Variants in CACNA1A observed in about 807,000 individuals in gnomAD.
CACNA1A encodes calcium voltage-gated channel subunit alpha1 A.
CACNA1A carries 57 observed loss-of-function variants against 262.4 expected under a neutral mutation model. The ratio of observed to expected loss-of-function variants is 0.22; its 90% CI spans 0.18 to 0.27. The LOEUF (loss-of-function observed/expected upper bound fraction) is 0.27. Ranked by LOEUF, CACNA1A falls within the 10% of genes least tolerant of loss-of-function variation. The pLI is 1.00. For missense variants in CACNA1A, 2,526 were observed against 3,562.8 expected (o/e 0.71, Z 7.41); for synonymous variants, 1,431 against 1,419.3 (o/e 1.01, Z -0.18).
chr19:13,208,733 G>T, intron 46 of CACNA1A, 23 bp downstream of exon 46: 1 of 1,560,402 alleles, frequency 6.4e-7, no homozygotes, highest in Non-Finnish European at 8.6e-7. Flanking sequence ...GCCCAGCCTG[G>T]GGTCACTTGC....
At chr19:13,404,387 G>A (rs892413297) in intron 3 of CACNA1A, among the ~76,000 whole-genome samples, 10 of 152,126 alleles carry the variant, frequency 6.6e-5, no homozygotes, top group Non-Finnish European at 1.2e-4. Flanking sequence ...AGCTAACAGC[G>A]ACCTTCCAAC....
At chr19:13,365,517 C>T in intron 4 of CACNA1A, 48 bp from the exon 5 acceptor site, 1 of 1,552,826 alleles carries the variant, frequency 6.4e-7, no homozygotes. Context: ...GCAAGTACCC[C>T]CAAACCCCGC....
chr19:13,276,537 ATCTC>A (rs2057152309), intron 23 of CACNA1A, among the ~76,000 whole-genome samples: 1 of 151,878 alleles, frequency 6.6e-6, no homozygotes, highest in African/African-American at 2.4e-5. Flanking sequence ...CTCCCCACTC[ATCTC>A]TCTGTCCTTC....
chr19:13,419,110 G>A (rs1294066432), intron 3 of CACNA1A, among the ~76,000 whole-genome samples: 1 of 152,080 alleles, frequency 6.6e-6, no homozygotes, highest in Admixed American at 6.5e-5. Context: ...GGCCAGGCTG[G>A]GCTCGAACTC....
At chr19:13,488,750 T>C (rs966292076) in intron 1 of CACNA1A, among the ~76,000 whole-genome samples, 1 of 151,970 alleles carries the variant, frequency 6.6e-6, no homozygotes, top group Non-Finnish European at 1.5e-5. Flanking sequence ...CAAGATCACC[T>C]GAGGAATCTC....
chr19:13,221,234 C>CT (rs57377809), intron 38 of CACNA1A, among the ~76,000 whole-genome samples: 11 of 36,304 alleles, frequency 3.0e-4, no homozygotes, highest in African/African-American at 9.0e-4. Context: ...TTCTTTCTTT[C>CT]TTTTTTTTTT....
intron 45 of CACNA1A, 68 bp downstream of exon 45, chr19:13,209,244 G>A (rs1028403839): frequency 1.1e-4 from 150 of 1,416,832 alleles, no homozygotes; most frequent in Non-Finnish European, 1.3e-4. Context: ...TGTCTCCTCC[G>A]CCCTGCCTTC....
Position 13,207,948 on chromosome 19 carries a change from G to A in CACNA1A, c.6886C>T (p.His2296Tyr). Residue 2296 changes from histidine to tyrosine, a missense_variant, in exon 47 of 47, where the codon CAC (histidine) becomes TAC (tyrosine). By Grantham distance (83) the His-to-Tyr change is moderately conservative. Around this residue, in one of 17 missense-constraint regions of CACNA1A, gnomAD observed 929 missense variants for 868.1 expected, o/e 1.07. Transcript: ENST00000360228. This position sits in a 1 kb window ranked among gnomAD's most constrained non-coding sequence, Gnocchi z 5.7. ...CGGATCACAGGGGAATAGGACACGT[G>A]TGGCCGGGGGGTGGAGGGGGTCTGG... ...LPQTPSTPRP[H>Y]VSYSPVIRKA... 2 of 1,383,744 alleles carry A rather than the reference G, an allele frequency of 1.4e-6. No homozygotes were observed. The highest frequency in any genetic ancestry group is 1.7e-5 in the South Asian group (1 of 58,176). The allele number at this position is 1,383,744 out of a possible 1,614,324, so 85.7% of individuals were successfully genotyped here.
rs1278488983 is a variant in CACNA1A, at chr19:13,241,402, G to A, written c.4950+3780C>T. 1 of 726,674 alleles carries A rather than the reference G, an allele frequency of 1.4e-6. No individual in the cohort carries two copies. Among genetic ancestry groups the A allele is most frequent in the African/African-American group, 1.7e-5 (1 of 57,616 alleles). 45.0% of individuals were successfully genotyped at this position (726,674 alleles called of 1,614,324 possible). On this transcript the variant is annotated intron_variant, in intron 31 of 46. Transcript: ENST00000360228. This position sits in a 1 kb window ranked among gnomAD's most constrained non-coding sequence, Gnocchi z 4.0. Reference sequence around the variant, plus strand: ...GACAGACAGAGGAGAGCGGAGGGTTGAGGAGAGCGTCAGGCATCCCACGTT... The same window carrying A: ...GACAGACAGAGGAGAGCGGAGGGTTAAGGAGAGCGTCAGGCATCCCACGTT...
chr19:13,491,778 G>T (rs1980914638), intron 1 of CACNA1A, among the ~76,000 whole-genome samples: 1 of 152,184 alleles, frequency 6.6e-6, no homozygotes, highest in South Asian at 2.1e-4. Flanking sequence ...TGAGGCTGCA[G>T]TGAGCCATGA....
chr19:13,288,633 C>T (rs1403404159), intron 19 of CACNA1A, among the ~76,000 whole-genome samples: 1 of 152,134 alleles, frequency 6.6e-6, no homozygotes, highest in East Asian at 1.9e-4. Flanking sequence ...CCCATCAACC[C>T]CTGCCTCTCC....
intron 3 of CACNA1A, among the ~76,000 whole-genome samples, chr19:13,425,988 G>A (rs778029255): frequency 6.6e-5 from 10 of 152,194 alleles, no homozygotes; most frequent in African/African-American, 1.4e-4. Flanking sequence ...GGCCTGGGAG[G>A]CTGAGGTTGT....
At chr19:13,297,567 T>C (rs907674288) in intron 19 of CACNA1A, among the ~76,000 whole-genome samples, 2 of 152,006 alleles carry the variant, frequency 1.3e-5, no homozygotes, top group Admixed American at 6.6e-5. Context: ...CCCAGCACTT[T>C]AGGGAGGCTA....
At chr19:13,402,883 T>TACACACACACACACACAC (rs1568611167) in intron 3 of CACNA1A, among the ~76,000 whole-genome samples, 3 of 77,960 alleles carry the variant, frequency 3.8e-5, no homozygotes, top group African/African-American at 2.3e-4. Context: ...CATATATATA[T>TACACACACACACACACAC]ATATATATAT....
At chr19:13,237,600 G>A (rs1045922954) in intron 31 of CACNA1A, among the ~76,000 whole-genome samples, 1 of 152,176 alleles carries the variant, frequency 6.6e-6, no homozygotes, top group African/African-American at 2.4e-5. Context: ...TGTCTAGGAT[G>A]CTCTCTGGGA....
intron 1 of CACNA1A, among the ~76,000 whole-genome samples, chr19:13,491,758 C>A (rs1344620703): frequency 6.6e-6 from 1 of 152,106 alleles, no homozygotes; most frequent in South Asian, 2.1e-4. Context: ...ATTGCTTGAG[C>A]CCAGGCGGTT....
At chr19:13,232,673 G>A (rs886587095) in intron 34 of CACNA1A, among the ~76,000 whole-genome samples, 5 of 150,736 alleles carry the variant, frequency 3.3e-5, no homozygotes, top group African/African-American at 7.3e-5. Context: ...GGAGGTTGCA[G>A]TGAGCTGAGA....
At chr19:13,491,695 G>T (rs1173869251) in intron 1 of CACNA1A, among the ~76,000 whole-genome samples, 1 of 152,198 alleles carries the variant, frequency 6.6e-6, no homozygotes, top group Non-Finnish European at 1.5e-5. Context: ...TAAGGGCCAG[G>T]TGTGGTGGTG....
At chr19:13,291,418 C>A (rs1001031746) in intron 19 of CACNA1A, among the ~76,000 whole-genome samples, 2 of 151,680 alleles carry the variant, frequency 1.3e-5, no homozygotes, top group African/African-American at 2.4e-5. Flanking sequence ...CCATTTCACA[C>A]AGGAGGAGAC....
Sources: allele counts gnomAD v4.1 joint callset (sites outside exome capture counted in the v4.1 genomes callset), GRCh38; gene constraint gnomAD v4.1.1; regional missense constraint gnomAD v4.1.1; non-coding constraint Gnocchi (gnomAD v3.1); transcripts MANE v1.5; gene names NCBI Gene and HGNC (gene_info 2026-07-23, HGNC 2026-07-21).